The following BRSK1 variants were observed in gnomAD, a reference collection of about 807,000 sequenced individuals.
BRSK1 encodes the protein BR serine/threonine kinase 1, also known as serine/threonine-protein kinase BRSK1.
A neutral mutation model predicts 86.2 loss-of-function variants in BRSK1; 17 were observed. The observed-to-expected ratio is 0.20, with a 90% CI of 0.14 to 0.30. The LOEUF (loss-of-function observed/expected upper bound fraction) is 0.30, where lower values mean the gene tolerates loss of function less well. Ranked by LOEUF, BRSK1 falls within the 10% of genes least tolerant of loss-of-function variation. The pLI, the probability that BRSK1 is intolerant of heterozygous loss-of-function variation, is 1.00. For missense variants in BRSK1, 719 were observed against 1,071.9 expected (o/e 0.67, Z 4.60); for synonymous variants, 464 against 440.1 (o/e 1.05, Z -0.68).
chr19:55,286,046 T>C (rs7259562), intron 1 of BRSK1, among the ~76,000 whole-genome samples: 745 of 45,026 alleles, frequency 0.017, 30 homozygotes, highest in African/African-American at 0.061. Flanking sequence ...GGGCTGGGGG[T>C]CTGGAGTGCT....
At chr19:55,298,483 T>C (rs1053935215) in intron 7 of BRSK1, among the ~76,000 whole-genome samples, 1 of 152,184 alleles carries the variant, frequency 6.6e-6, no homozygotes, top group Non-Finnish European at 1.5e-5. Flanking sequence ...AGTAGTTTAT[T>C]CTTGTTCCAA....
rs372052269 is a variant in BRSK1 at position 55,312,533 on chromosome 19, C to CAAAAAAAAAAAA, written c.*483_*494dup. ...TCCGTGTCTCTGATTCCGCCGGCGG[C>CAAAAAAAAAAAA]AAAAAAAAAAAAAAAAAAAAAAAAA... On this transcript the variant is annotated 3_prime_UTR_variant, in exon 19 of 19. Coordinates refer to ENST00000309383, the MANE Select transcript of BRSK1 (RefSeq NM_032430.2). 1.2e-3 allele frequency: 32 copies of CAAAAAAAAAAAA among 25,706 alleles called. No homozygotes were observed. Among genetic ancestry groups the CAAAAAAAAAAAA allele is most frequent in the South Asian group, 5.6e-3 (2 of 356 alleles). The allele number at this position is 25,706 out of a possible 1,614,324, so 1.6% of individuals were successfully genotyped here. A position where few individuals can be genotyped will look rare whatever the true frequency, so the allele number is the denominator to read the frequency against.
In BRSK1 at chr19:55,308,576, C is replaced by A. The variant is rs2088702696; in HGVS notation, c.2090-63C>A. The stretch of plus-strand genomic sequence containing the variant: ...TGGTGGAGGGACTGGGTTCTGCAGG[C>A]TGGGACGGCCTTCCCGGTCCTGGAC... On this transcript the variant is annotated intron_variant, in intron 17 of 18. Transcript: ENST00000309383. The A allele has an allele frequency of 3.2e-6, 4 of 1,269,638 alleles. No homozygotes were observed. In the African/African-American group the frequency reaches 4.5e-5, roughly 14 times the overall value. The allele number at this position is 1,269,638 out of a possible 1,614,324, so 78.6% of individuals were successfully genotyped here. A position where few individuals can be genotyped will look rare whatever the true frequency, so the allele number is the denominator to read the frequency against.
chr19:55,309,115 C>T (rs1316962221), intron 18 of BRSK1, among the ~76,000 whole-genome samples: 1 of 151,994 alleles, frequency 6.6e-6, no homozygotes, highest in Admixed American at 6.5e-5. Context: ...AGGACGGTGA[C>T]CCACCGTCCT....
At chr19:55,288,557 C>T (rs1791611695) in intron 3 of BRSK1, among the ~76,000 whole-genome samples, 1 of 150,646 alleles carries the variant, frequency 6.6e-6, no homozygotes, top group South Asian at 2.1e-4. Context: ...GTCCCAGAGG[C>T]TTATGGGAAG....
chr19:55,284,053 A>T lies in BRSK1; in HGVS notation c.-390A>T. 1.0e-6 allele frequency: 1 copy of T among 978,840 alleles called. No individual in the cohort carries two copies. Among genetic ancestry groups the T allele is most frequent in the Non-Finnish European group, 1.3e-6 (1 of 799,130 alleles). 60.6% of individuals were successfully genotyped at this position (978,840 alleles called of 1,614,324 possible). A position where few individuals can be genotyped will look rare whatever the true frequency, so the allele number is the denominator to read the frequency against. Reference sequence around the variant, plus strand: ...GACGAGGTGGCGGGGGGAGGCGGAGAGGAGGAGGAGGCGGAGGAGAGAGGG... The same window carrying T: ...GACGAGGTGGCGGGGGGAGGCGGAGTGGAGGAGGAGGCGGAGGAGAGAGGG... On this transcript the variant is annotated 5_prime_UTR_variant, in exon 1 of 19. Transcript: ENST00000309383.
At chr19:55,297,598 C>T (rs369938882) in intron 7 of BRSK1, among the ~76,000 whole-genome samples, 1 of 152,144 alleles carries the variant, frequency 6.6e-6, no homozygotes, top group African/African-American at 2.4e-5. Flanking sequence ...GGAGAGCAGC[C>T]GAGGTGCTCT....
In BRSK1 at chr19:55,284,158, A is replaced by T; in HGVS notation, c.-285A>T. On this transcript the variant is annotated 5_prime_UTR_variant, in exon 1 of 19. Coordinates refer to ENST00000309383, the MANE Select transcript of BRSK1 (RefSeq NM_032430.2). ...AGACCCCCCCGGCGGGGGGAGGCGC[A>T]GGAAGCGGGGGGCCGGCCAGAAACG... 3.1e-6 allele frequency: 3 copies of T among 958,748 alleles called. No individual in the cohort carries two copies. The highest frequency in any genetic ancestry group is 4.0e-6 in the Non-Finnish European group (3 of 749,944). The allele number at this position is 958,748 out of a possible 1,614,324, so 59.4% of individuals were successfully genotyped here. A position where few individuals can be genotyped will look rare whatever the true frequency, so the allele number is the denominator to read the frequency against.
intron 4 of BRSK1, among the ~76,000 whole-genome samples, chr19:55,291,645 C>T (rs926649476): frequency 2.0e-5 from 3 of 152,326 alleles, no homozygotes; most frequent in East Asian, 1.9e-4. Context: ...CCTTCATTTG[C>T]GCATCTCTCT....
rs764525325 is a variant in BRSK1, at chr19:55,303,635, C to T, written c.1127-32C>T. ...GTTGTACACAGCTGGGTGAAACCAT[C>T]TCTTGATTGGGTTGAAACTGTTGTC... On this transcript the variant is annotated intron_variant, in intron 11 of 18. Transcript: ENST00000309383. The surrounding 1 kb of genome is among the most constrained non-coding windows in gnomAD (Gnocchi z 5.1). 6.4e-7 allele frequency: 1 copy of T among 1,573,206 alleles called. No homozygotes were observed. The highest frequency in any genetic ancestry group is 8.6e-7 in the Non-Finnish European group (1 of 1,157,162).
intron 4 of BRSK1, among the ~76,000 whole-genome samples, chr19:55,293,470 C>T (rs2088438291): frequency 6.6e-6 from 1 of 151,710 alleles, no homozygotes; most frequent in Non-Finnish European, 1.5e-5. Flanking sequence ...CCACTGCACT[C>T]CAGCCTGGGT....
chr19:55,308,575 G>T (rs1005811488), intron 17 of BRSK1, 64 bp from the exon 18 acceptor site: 2 of 1,253,530 alleles, frequency 1.6e-6, no homozygotes, highest in African/African-American at 1.5e-5. Context: ...GGTTCTGCAG[G>T]CTGGGACGGC....
chr19:55,305,031 G>T lies in BRSK1; in HGVS notation c.1717+111G>T, dbSNP rs1003550566. 7.4e-6 allele frequency: 11 copies of T among 1,479,262 alleles called. No homozygotes were observed. The African/African-American group carries it at 1.4e-4, about 19-fold the overall frequency. 91.6% of individuals were successfully genotyped at this position (1,479,262 alleles called of 1,614,324 possible). On this transcript the variant is annotated intron_variant, in intron 14 of 18. Coordinates refer to ENST00000309383, the MANE Select transcript of BRSK1 (RefSeq NM_032430.2). ...TAGAGAGGAAGGGACTGGGGGCCTGGATTCCCACGTTCTAGAGAAGAGGGG... is the reference window on the plus strand; with the variant it reads ...TAGAGAGGAAGGGACTGGGGGCCTGTATTCCCACGTTCTAGAGAAGAGGGG...
At position 55,294,464 on chromosome 19, in the gene BRSK1, C is replaced by A; in HGVS notation, c.678+67C>A. ...CACCTGGTGGGAGCATAGGACAGTA[C>A]CTTCCATCCTCAGGTCATCTCCTGA... On this transcript the variant is annotated intron_variant, in intron 7 of 18. Transcript: ENST00000309383. This position sits in a 1 kb window ranked among gnomAD's most constrained non-coding sequence, Gnocchi z 4.9. 1 of 1,519,528 alleles carries A rather than the reference C, an allele frequency of 6.6e-7. No individual in the cohort carries two copies. The allele number at this position is 1,519,528 out of a possible 1,614,324, so 94.1% of individuals were successfully genotyped here. A position where few individuals can be genotyped will look rare whatever the true frequency, so the allele number is the denominator to read the frequency against.
At chr19:55,297,480 G>A (rs1026798560) in intron 7 of BRSK1, among the ~76,000 whole-genome samples, 5 of 152,316 alleles carry the variant, frequency 3.3e-5, no homozygotes, top group East Asian at 1.9e-4. Context: ...CTGATAAGCC[G>A]CAGGCCTGGG....
At chr19:55,309,713 C>T (rs2088738821) in intron 18 of BRSK1, among the ~76,000 whole-genome samples, 1 of 152,186 alleles carries the variant, frequency 6.6e-6, no homozygotes, top group Non-Finnish European at 1.5e-5. Context: ...TGGGTTTCAG[C>T]ACATGAATTT....
In BRSK1 at chr19:55,296,797, G is replaced by A. The variant is rs192565409; in HGVS notation, c.678+2400G>A. On this transcript the variant is annotated intron_variant, in intron 7 of 18. Transcript: ENST00000309383. Reference sequence around the variant, plus strand: ...CGGGAGGCGGAGCTTGCAGTGAGCCGAGATCATGCCACTGCACTCCAGCCT... The same window carrying A: ...CGGGAGGCGGAGCTTGCAGTGAGCCAAGATCATGCCACTGCACTCCAGCCT... 4.6e-5 allele frequency among the ~76,000 whole-genome samples: 7 copies of A among 151,932 alleles called. No homozygotes were observed. In the East Asian group the frequency reaches 9.8e-4, roughly 21 times the overall value.
Position 55,312,036 on chromosome 19 carries a change from C to T in BRSK1, c.2305C>T (p.Leu769Phe), listed in dbSNP as rs766946093. Residue 769 changes from leucine (L) to phenylalanine (F), a missense_variant, in exon 19 of 19, where the codon CTC (leucine) becomes TTC (phenylalanine). Physicochemically the swap from Leu to Phe is conservative, Grantham distance 22. Coordinates refer to ENST00000309383, the MANE Select transcript of BRSK1 (RefSeq NM_032430.2). ...CCGAGGCCCCCCCAAGGACAAGAAG[C>T]TCCTGGCCACCAACGGGACCCCTCT... ...PRRGPPKDKK[L>F]LATNGTPLP 2.7e-5 allele frequency: 40 copies of T among 1,490,292 alleles called. No homozygotes were observed. The highest frequency in any genetic ancestry group is 9.8e-5 in the Admixed American group (4 of 40,862). The allele number at this position is 1,490,292 out of a possible 1,614,324, so 92.3% of individuals were successfully genotyped here.
In BRSK1 at chr19:55,304,177, T is replaced by C. The variant is rs370612105; in HGVS notation, c.1347+67T>C. Reference sequence around the variant, plus strand: ...GTGGAGACATGGAGCAAAGATTGAGTAGCAGAAACTACAATTCCTGTGCAG... The same window carrying C: ...GTGGAGACATGGAGCAAAGATTGAGCAGCAGAAACTACAATTCCTGTGCAG... On this transcript the variant is annotated intron_variant, in intron 13 of 18. Transcript: ENST00000309383. The surrounding 1 kb of genome is among the most constrained non-coding windows in gnomAD (Gnocchi z 5.2). 1.1e-5 allele frequency: 16 copies of C among 1,445,872 alleles called. No homozygotes were observed. Among genetic ancestry groups the C allele is most frequent in the Non-Finnish European group, 1.5e-5 (16 of 1,052,616 alleles). 89.6% of individuals were successfully genotyped at this position (1,445,872 alleles called of 1,614,324 possible).
Sources: gnomAD v4.1 joint callset for allele counts (sites outside exome capture counted in the v4.1 genomes callset) on GRCh38, gnomAD v4.1.1 for gene constraint, Gnocchi (gnomAD v3.1) non-coding constraint, MANE v1.5 for transcripts, NCBI Gene and HGNC (gene_info 2026-07-23, HGNC 2026-07-21) for gene names.